UPRT: variants seen among roughly 807,000 people sequenced by gnomAD.
UPRT encodes uracil phosphoribosyltransferase homolog.
UPRT carries 5 observed loss-of-function variants against 22.6 expected under a neutral mutation model. That is an observed-to-expected ratio of 0.22 (90% confidence interval 0.12 to 0.47). The LOEUF (loss-of-function observed/expected upper bound fraction) is 0.47, where lower values mean the gene tolerates loss of function less well. Among genes scored for constraint, UPRT ranks in the 20% least tolerant of loss-of-function variants. The pLI, the probability that UPRT is intolerant of heterozygous loss-of-function variation, is 0.99. For synonymous variants in UPRT, 77 were observed against 87.7 expected (o/e 0.88, Z 0.68); for missense variants, 181 against 239.9 (o/e 0.75, Z 1.62).
chrX:75,271,569 A>C (rs190816933), upstream of UPRT, among the ~76,000 whole-genome samples: 1 of 112,357 alleles, frequency 8.9e-6, no homozygotes, highest in East Asian at 2.8e-4. Flanking sequence ...AAAAACCCTT[A>C]TAGACATTGG....
chrX:75,196,568 C>T (rs768671711), intron 4 of UPRT, among the ~76,000 whole-genome samples: 1 of 111,998 alleles, frequency 8.9e-6, no homozygotes, highest in South Asian at 3.7e-4. Context: ...TAGAAAGAGG[C>T]CGAGTTGGTG....
intron 1 of UPRT, among the ~76,000 whole-genome samples, chrX:75,287,129 A>G (rs1245332831): frequency 9.0e-6 from 1 of 111,291 alleles, no homozygotes; most frequent in South Asian, 3.7e-4. Flanking sequence ...ACACATACGT[A>G]TGTATATGTA....
chrX:75,245,095 C>A, intron 4 of UPRT, among the ~76,000 whole-genome samples: 1 of 110,210 alleles, frequency 9.1e-6, no homozygotes, highest in Admixed American at 9.7e-5. Context: ...AAGCAAACAA[C>A]CCCATTAAAA....
Position 75,274,118 on chromosome X carries a change from G to T in UPRT, c.-137G>T, listed in dbSNP as rs1013722418. The T allele has an allele frequency of 4.0e-5, 38 of 960,234 alleles. No homozygotes were observed. The highest frequency in any genetic ancestry group is 5.3e-5 in the Non-Finnish European group (38 of 718,713). The allele number at this position is 960,234 out of a possible 1,213,427, so 79.1% of individuals were successfully genotyped here. ...CTAAAGGAAACCAACAGCGGCCTAG[G>T]GGTGAAAGGACAGCCAGGGTTAGAT... On this transcript the variant is annotated 5_prime_UTR_variant, in exon 1 of 7. Coordinates refer to ENST00000373383, the MANE Select transcript of UPRT (RefSeq NM_145052.4).
chrX:75,235,481 C>T (rs1206187808), intron 4 of UPRT, among the ~76,000 whole-genome samples: 1 of 111,727 alleles, frequency 9.0e-6, no homozygotes, highest in African/African-American at 3.3e-5. Context: ...AGGGACACAA[C>T]CAATAAAGAG....
chrX:75,202,461 A>T (rs2082349707), intron 4 of UPRT, among the ~76,000 whole-genome samples: 1 of 111,841 alleles, frequency 8.9e-6, no homozygotes, highest in Non-Finnish European at 1.9e-5. Context: ...AAGAAAATGA[A>T]CTTGGATTAG....
upstream of UPRT, among the ~76,000 whole-genome samples, chrX:75,273,502 A>G (rs749736940): frequency 9.0e-6 from 1 of 111,289 alleles, no homozygotes; most frequent in Admixed American, 9.6e-5. Context: ...GTGAGTCCAT[A>G]CACTTAAAAA....
chrX:75,159,157 C>A (rs1244564481), intron 1 of UPRT, among the ~76,000 whole-genome samples: 1 of 111,595 alleles, frequency 9.0e-6, no homozygotes, highest in Non-Finnish European at 1.9e-5. Flanking sequence ...ACTATTCTAC[C>A]CTCTACCTTC....
intron 4 of UPRT, among the ~76,000 whole-genome samples, chrX:75,198,939 C>T (rs1231742294): frequency 1.8e-5 from 2 of 111,841 alleles, no homozygotes; most frequent in Non-Finnish European, 3.8e-5. Context: ...GAAAGCAAAA[C>T]AGGGCTAAAC....
intron 2 of UPRT, chrX:75,294,600 A>G: frequency 1.0e-6 from 1 of 984,799 alleles, no homozygotes; most frequent in South Asian, 2.0e-5. Flanking sequence ...AGCATAGACA[A>G]CTCCTGTTCT....
At chrX:75,237,921 A>G (rs1204406439) in intron 4 of UPRT, among the ~76,000 whole-genome samples, 1 of 110,639 alleles carries the variant, frequency 9.0e-6, no homozygotes, top group African/African-American at 3.3e-5. Context: ...CACATTGTGC[A>G]CATGTACCCT....
chrX:75,204,777 C>T (rs1482940328), intron 4 of UPRT, among the ~76,000 whole-genome samples: 2 of 111,508 alleles, frequency 1.8e-5, no homozygotes, highest in Admixed American at 9.6e-5. Flanking sequence ...AGAGCTGCGC[C>T]AGCAGAGAGG....
At chrX:75,221,366 A>G (rs1376269711) in intron 4 of UPRT, among the ~76,000 whole-genome samples, 1 of 111,216 alleles carries the variant, frequency 9.0e-6, no homozygotes, top group Non-Finnish European at 1.9e-5. Flanking sequence ...ATCTTTCTGT[A>G]GGTTTGGGAA....
intron 6 of UPRT, among the ~76,000 whole-genome samples, chrX:75,301,980 A>T (rs907265723): frequency 2.7e-5 from 3 of 111,876 alleles, no homozygotes; most frequent in African/African-American, 9.7e-5. Flanking sequence ...TTTAAGCTTT[A>T]AATTGGTATT....
chrX:75,196,332 A>G (rs927433590), intron 4 of UPRT, among the ~76,000 whole-genome samples: 3 of 111,717 alleles, frequency 2.7e-5, no homozygotes, highest in Non-Finnish European at 5.6e-5. Context: ...CACCCAGGTA[A>G]ATGAGTTTTT....
At chrX:75,204,781 AGAGAGG>A (rs1602452683) in intron 4 of UPRT, among the ~76,000 whole-genome samples, 1 of 111,821 alleles carries the variant, frequency 8.9e-6, no homozygotes, top group African/African-American at 3.3e-5. Flanking sequence ...CTGCGCCAGC[AGAGAGG>A]GGAGGGGTTA....
At chrX:75,156,506 T>G (rs1452389363) in exon 1 of UPRT, among the ~76,000 whole-genome samples, 1 of 111,661 alleles carries the variant, frequency 9.0e-6, no homozygotes, top group Non-Finnish European at 1.9e-5. Flanking sequence ...ACTGTATTTT[T>G]CTCTTTTCCT....
chrX:75,183,563 G>T (rs907932780), intron 4 of UPRT, among the ~76,000 whole-genome samples: 2 of 111,793 alleles, frequency 1.8e-5, no homozygotes, highest in Non-Finnish European at 3.8e-5. Context: ...GGGTCAAATG[G>T]TATTTCTAGT....
intron 2 of UPRT, chrX:75,294,500 T>A: frequency 1.2e-6 from 1 of 847,927 alleles, no homozygotes. Flanking sequence ...CCCAAAGTTA[T>A]AATCAGATTA....
Sources: allele counts gnomAD v4.1 joint callset (sites outside exome capture counted in the v4.1 genomes callset), GRCh38; gene constraint gnomAD v4.1.1; transcripts MANE v1.5; gene names NCBI Gene and HGNC (gene_info 2026-07-23, HGNC 2026-07-21).